The following MYO5C variants were observed in gnomAD, a reference collection of about 807,000 sequenced individuals.
The protein encoded by MYO5C is unconventional myosin-Vc.
A neutral mutation model predicts 235.7 loss-of-function variants in MYO5C; 194 were observed. That is an observed-to-expected ratio of 0.82 (90% CI 0.73 to 0.93). MYO5C has a LOEUF of 0.93. MYO5C is among the 40% of genes least tolerant of loss of function. The pLI, the probability that MYO5C is intolerant of heterozygous loss-of-function variation, is 0.00. For synonymous variants in MYO5C, 707 were observed against 754.8 expected (o/e 0.94, Z 1.04); for missense variants, 2,038 against 2,127.2 (o/e 0.96, Z 0.82).
chr15:52,241,935 C>T (rs1368357080), intron 20 of MYO5C, 113 bp downstream of exon 20: 46 of 1,222,688 alleles, frequency 3.8e-5, no homozygotes, highest in Middle Eastern at 5.9e-4. Context: ...GCTTGGCTGA[C>T]ACTTTGTACA....
intron 29 of MYO5C, among the ~76,000 whole-genome samples, 188 bp downstream of exon 29, chr15:52,223,356 A>G (rs1045232943): frequency 1.3e-5 from 2 of 152,080 alleles, no homozygotes; most frequent in African/African-American, 4.8e-5. Context: ...GAACACACAC[A>G]CTCTTGTATC....
At position 52,223,740 on chromosome 15, in the gene MYO5C, T is replaced by G. The variant is rs749986003; in HGVS notation, c.3447-16A>C. On this transcript the variant is annotated splice_polypyrimidine_tract_variant and intron_variant, in intron 28 of 40. Coordinates refer to ENST00000261839, the MANE Select transcript of MYO5C (RefSeq NM_018728.4). ...CTCCAAAACACTATTAAAGGAGGGG[T>G]CAAGAAATAAACCACATGGCCTTTG... 13 of 1,607,070 alleles carry G rather than the reference T, an allele frequency of 8.1e-6. No homozygotes were observed. The highest frequency in any genetic ancestry group is 1.1e-5 in the Non-Finnish European group (13 of 1,176,310).
At chr15:52,276,610 G>A (rs80072979) in intron 4 of MYO5C, among the ~76,000 whole-genome samples, 5,269 of 152,220 alleles carry the variant, frequency 0.035, 143 homozygotes, top group East Asian at 0.15. Context: ...GAAATCAGAG[G>A]CTAGCCATGG....
intron 1 of MYO5C, among the ~76,000 whole-genome samples, chr15:52,287,418 T>C (rs1195960750): frequency 6.6e-6 from 1 of 152,238 alleles, no homozygotes; most frequent in East Asian, 1.9e-4. Flanking sequence ...TGAAGCTTAC[T>C]TCATTAAAAT....
chr15:52,272,492 C>T (rs2036945259), intron 6 of MYO5C, 88 bp downstream of exon 6: 2 of 1,299,136 alleles, frequency 1.5e-6, no homozygotes, highest in Non-Finnish European at 2.2e-6. Flanking sequence ...CAACTCACAG[C>T]ATAGTGTAGC....
At chr15:52,284,838 TC>T (rs1427538013) in intron 1 of MYO5C, among the ~76,000 whole-genome samples, 3 of 103,346 alleles carry the variant, frequency 2.9e-5, no homozygotes, top group Non-Finnish European at 6.9e-5. Context: ...TTTCTTTCTT[TC>T]TTTTTTTTTT....
At chr15:52,273,926 C>T (rs1368806807) in intron 5 of MYO5C, among the ~76,000 whole-genome samples, 1 of 152,092 alleles carries the variant, frequency 6.6e-6, no homozygotes, top group Non-Finnish European at 1.5e-5. Flanking sequence ...TATTCCAATC[C>T]CTACTCCTTA....
Position 52,219,752 on chromosome 15 carries a change from CA to C in MYO5C, c.3785+6del. 1 of 1,604,826 alleles carries C rather than the reference CA, an allele frequency of 6.2e-7. No individual in the cohort carries two copies. Among genetic ancestry groups the C allele is most frequent in the Non-Finnish European group, 8.5e-7 (1 of 1,172,376 alleles). On this transcript the variant is annotated splice_donor_region_variant and intron_variant, in intron 31 of 40. Transcript: ENST00000261839. ...TGAACTTGAGGTACACACATATTTACACTTACTTTCTTTGTGTTCCTTCCTC... is the reference window on the plus strand; with the variant it reads ...TGAACTTGAGGTACACACATATTTACCTTACTTTCTTTGTGTTCCTTCCTC...
At chr15:52,214,493 T>G in intron 33 of MYO5C, 110 bp downstream of exon 33, 274 of 816,828 alleles carry the variant, frequency 3.4e-4, no homozygotes, top group Middle Eastern at 5.8e-4. Flanking sequence ...CCTCACCACT[T>G]GAGAATCATT....
At chr15:52,210,685 A>C (rs576162118) in intron 35 of MYO5C, among the ~76,000 whole-genome samples, 1 of 152,306 alleles carries the variant, frequency 6.6e-6, no homozygotes. Context: ...CTCTTTTTAC[A>C]AAGCAACTAT....
intron 4 of MYO5C, among the ~76,000 whole-genome samples, chr15:52,276,883 G>A (rs918815094): frequency 1.4e-4 from 21 of 152,006 alleles, no homozygotes; most frequent in African/African-American, 3.4e-4. Context: ...ATGTGGCACC[G>A]CTCACATGCC....
chr15:52,203,277 T>G (rs548430257), intron 38 of MYO5C, among the ~76,000 whole-genome samples: 14 of 152,238 alleles, frequency 9.2e-5, no homozygotes, highest in African/African-American at 3.4e-4. Flanking sequence ...TCAAGGAGAA[T>G]AGGGTATCCA....
intron 36 of MYO5C, among the ~76,000 whole-genome samples, chr15:52,207,751 A>G (rs1231633243): frequency 6.6e-6 from 1 of 152,232 alleles, no homozygotes; most frequent in Non-Finnish European, 1.5e-5. Context: ...GCTACAGTCT[A>G]TCCATATGAT....
At chr15:52,291,153 T>C (rs150254200) in intron 1 of MYO5C, among the ~76,000 whole-genome samples, 149 of 152,286 alleles carry the variant, frequency 9.8e-4, no homozygotes, top group Admixed American at 2.1e-3. Context: ...CAGGATACAC[T>C]GAGGGATGCT....
rs969199790 is a variant in MYO5C at position 52,208,538 on chromosome 15, G to A, written c.4386+16C>T. ...GGCTGTCAGCACAAAACAACAAGCA[G>A]GTGGGCGCCCCCTACCTCTTCTCCG... On this transcript the variant is annotated intron_variant, in intron 36 of 40. Coordinates refer to ENST00000261839, the MANE Select transcript of MYO5C (RefSeq NM_018728.4). The A allele has an allele frequency of 6.2e-7, 1 of 1,612,792 alleles. No homozygotes were observed. Among genetic ancestry groups the A allele is most frequent in the Admixed American group, 1.7e-5 (1 of 59,970 alleles).
Position 52,272,588 on chromosome 15 carries a change from C to A in MYO5C, c.742G>T (p.Val248Phe), listed in dbSNP as rs749800315. Residue 248 changes from valine to phenylalanine, a missense_variant, in exon 6 of 41, where the codon GTC becomes TTC. Coordinates refer to ENST00000261839, the MANE Select transcript of MYO5C (RefSeq NM_018728.4). ...STYLLEKSRV[V>F]FQSENERNYH... ...GGAAATTTAATACTTACTTGAAAGA[C>A]AACTCTGGATTTCTCCAGGAGGTAA... 6.2e-7 allele frequency: 1 copy of A among 1,610,886 alleles called. No homozygotes were observed. The highest frequency in any genetic ancestry group is 1.3e-5 in the African/African-American group (1 of 74,854).
At chr15:52,220,790 G>A (rs1289726926) in intron 30 of MYO5C, among the ~76,000 whole-genome samples, 1 of 150,362 alleles carries the variant, frequency 6.7e-6, no homozygotes, top group African/African-American at 2.5e-5. Flanking sequence ...TCGCACCATT[G>A]CATTCTAGCC....
At chr15:52,213,338 G>T in intron 33 of MYO5C, 52 bp from the exon 34 acceptor site, 1 of 1,309,852 alleles carries the variant, frequency 7.6e-7, no homozygotes, top group Non-Finnish European at 1.1e-6. Flanking sequence ...GCTTTCACAG[G>T]TCTCACAATG....
At chr15:52,272,511 G>C in intron 6 of MYO5C, 69 bp downstream of exon 6, 2 of 1,471,330 alleles carry the variant, frequency 1.4e-6, no homozygotes, top group Non-Finnish European at 1.9e-6. Flanking sequence ...GCTTGCCTGA[G>C]TATGTATAAT....
Sources: gnomAD v4.1 joint callset for allele counts (sites outside exome capture counted in the v4.1 genomes callset) on GRCh38, gnomAD v4.1.1 for gene constraint, MANE v1.5 for transcripts, NCBI Gene and HGNC (gene_info 2026-07-23, HGNC 2026-07-21) for gene names.